Variants in NPHP4 observed in about 807,000 individuals in gnomAD.
NPHP4 encodes the protein nephrocystin 4, also known as nephrocystin-4.
NPHP4 carries 151 observed loss-of-function variants against 155.8 expected under a neutral mutation model. That is an observed-to-expected ratio of 0.97 (90% CI 0.85 to 1.11). NPHP4 has a LOEUF of 1.11. Among genes scored for constraint, NPHP4 ranks in the 50% least tolerant of loss-of-function variants. NPHP4 has a pLI of 0.00. For missense variants in NPHP4, 1,956 were observed against 1,925.7 expected, an observed-to-expected ratio of 1.02 and a Z score of -0.29; for synonymous variants, 845 against 816.8, an observed-to-expected ratio of 1.03 and a Z score of -0.59.
chr1:5,966,688 C>G (rs563968180), intron 5 of NPHP4, among the ~76,000 whole-genome samples: 1 of 152,170 alleles, frequency 6.6e-6, no homozygotes, highest in African/African-American at 2.4e-5. Flanking sequence ...CCACACTCCC[C>G]CAACTGCTAG....
chr1:5,977,494 T>C (rs1653821926), intron 3 of NPHP4, among the ~76,000 whole-genome samples: 1 of 152,074 alleles, frequency 6.6e-6, no homozygotes, highest in African/African-American at 2.4e-5. Flanking sequence ...ATCGGTCTCC[T>C]CCTGAGAATT....
chr1:5,967,408 T>G, intron 4 of NPHP4, 45 bp from the exon 5 acceptor site: 8 of 1,458,030 alleles, frequency 5.5e-6, no homozygotes, highest in East Asian at 2.4e-5. Flanking sequence ...ACGTGCGCAC[T>G]TCTCAGAAGG....
intron 3 of NPHP4, among the ~76,000 whole-genome samples, chr1:5,972,736 A>G (rs529663066): frequency 7.2e-5 from 11 of 152,046 alleles, no homozygotes; most frequent in African/African-American, 2.7e-4. Flanking sequence ...AATTAATTTA[A>G]TTTCTTTCTT....
chr1:5,961,704 GC>G (rs1557841969), intron 6 of NPHP4, 89 bp downstream of exon 6: 3 of 1,311,426 alleles, frequency 2.3e-6, no homozygotes, highest in Non-Finnish European at 3.2e-6. Flanking sequence ...GGCCCACGCT[GC>G]CCCCAGAAGA....
intron 1 of NPHP4, among the ~76,000 whole-genome samples, chr1:5,987,022 A>G (rs1655588429): frequency 6.6e-6 from 1 of 152,070 alleles, no homozygotes; most frequent in Non-Finnish European, 1.5e-5. Flanking sequence ...ACATAAAAAC[A>G]AGCAGAGAGG....
chr1:5,972,469 A>C (rs1446232537), intron 3 of NPHP4, among the ~76,000 whole-genome samples: 1 of 152,214 alleles, frequency 6.6e-6, no homozygotes, highest in East Asian at 1.9e-4. Context: ...TCTCATTTGG[A>C]GTAAAAATGT....
intron 16 of NPHP4, among the ~76,000 whole-genome samples, chr1:5,894,036 G>A (rs954243901): frequency 5.3e-5 from 8 of 152,122 alleles, no homozygotes; most frequent in African/African-American, 1.9e-4. Flanking sequence ...ACAAACTAAT[G>A]ATTAATGATA....
intron 2 of NPHP4, among the ~76,000 whole-genome samples, chr1:5,984,463 G>A (rs1037755207): frequency 2.0e-5 from 3 of 152,104 alleles, no homozygotes; most frequent in African/African-American, 7.2e-5. Context: ...GAGCTCAGGG[G>A]GAGGAGGTTT....
At position 5,914,286 on chromosome 1, in the gene NPHP4, A is replaced by AAAAAAAAAAAG. The variant is rs70977991; in HGVS notation, c.1442-5074_1442-5073insCTTTTTTTTTT. ...AAAAAAAAAAAAAAAAAAAAAAAAA[A>AAAAAAAAAAAG]GGCCTGGTGTGGTGGCATGCACCTG... On this transcript the variant is annotated intron_variant, in intron 11 of 29. Coordinates refer to ENST00000378156, the MANE Select transcript of NPHP4 (RefSeq NM_015102.5). 4.9e-3 allele frequency among the ~76,000 whole-genome samples: 685 copies of AAAAAAAAAAAG among 139,790 alleles called. 40 individuals carry two copies. Among genetic ancestry groups the AAAAAAAAAAAG allele is most frequent in the African/African-American group, 0.019 (650 of 33,820 alleles). 91.7% of individuals were successfully genotyped at this position (139,790 alleles called of 152,430 possible).
chr1:5,879,886 C>G (rs148813780), intron 19 of NPHP4, among the ~76,000 whole-genome samples: 1 of 151,600 alleles, frequency 6.6e-6, no homozygotes, highest in East Asian at 1.9e-4. Context: ...CACACAGACA[C>G]GCACACGTGC....
intron 10 of NPHP4, among the ~76,000 whole-genome samples, chr1:5,930,236 C>T (rs12061828): frequency 0.021 from 3,212 of 152,226 alleles, 93 homozygotes; most frequent in African/African-American, 0.07. Flanking sequence ...TATTTTCAAA[C>T]AGGTTCTTGT....
intron 23 of NPHP4, among the ~76,000 whole-genome samples, chr1:5,870,703 C>T (rs1641907894): frequency 6.6e-6 from 1 of 152,240 alleles, no homozygotes; most frequent in Admixed American, 6.5e-5. Flanking sequence ...CAGGACAAAG[C>T]AACACGGTGT....
In NPHP4 at chr1:5,969,077, A is replaced by G; in HGVS notation, c.452+10T>C. ...GGAAAACCCCAGGGTTGTAGAAACA[A>G]GGCAGGTACCTTTTGTCCTGGGAAG... On this transcript the variant is annotated intron_variant, in intron 4 of 29. Transcript: ENST00000378156. 6.5e-7 allele frequency: 1 copy of G among 1,537,738 alleles called. No homozygotes were observed. The highest frequency in any genetic ancestry group is 1.2e-5 in the South Asian group (1 of 83,540).
chr1:5,912,633 T>C (rs1025854480), intron 11 of NPHP4, among the ~76,000 whole-genome samples: 11 of 152,052 alleles, frequency 7.2e-5, no homozygotes, highest in African/African-American at 1.2e-4. Flanking sequence ...ACCACACCCA[T>C]GAGACATGCT....
chr1:5,969,593 C>T (rs889283158), intron 3 of NPHP4, among the ~76,000 whole-genome samples: 3 of 152,198 alleles, frequency 2.0e-5, no homozygotes, highest in African/African-American at 4.8e-5. Flanking sequence ...CCCACTAGAG[C>T]AGAATGGGGC....
chr1:5,955,623 A>G (rs1649039161), intron 6 of NPHP4, among the ~76,000 whole-genome samples: 1 of 152,286 alleles, frequency 6.6e-6, no homozygotes, highest in African/African-American at 2.4e-5. Flanking sequence ...CATCAAGGTT[A>G]AGTGGAATAA....
chr1:5,893,825 G>A (rs570718460), intron 16 of NPHP4, among the ~76,000 whole-genome samples: 2 of 152,324 alleles, frequency 1.3e-5, no homozygotes, highest in South Asian at 4.1e-4. Context: ...GGCAACGGGC[G>A]TCTTCCCAGA....
At chr1:5,879,457 CTTCT>C (rs150143271) in intron 19 of NPHP4, 7,048 of 486,334 alleles carry the variant, frequency 0.014, 409 homozygotes, top group African/African-American at 0.13. Context: ...CCATAATTGG[CTTCT>C]TTCTTCTGTT....
At chr1:5,877,398 G>A in intron 19 of NPHP4, 100 bp from the exon 20 acceptor site, 1 of 878,104 alleles carries the variant, frequency 1.1e-6, no homozygotes, top group East Asian at 2.9e-5. Flanking sequence ...TATAGGGAGG[G>A]AGCTCAAGAG....
Sources: gnomAD v4.1 joint callset for allele counts (sites outside exome capture counted in the v4.1 genomes callset) on GRCh38, gnomAD v4.1.1 for gene constraint, MANE v1.5 for transcripts, NCBI Gene and HGNC (gene_info 2026-07-23, HGNC 2026-07-21) for gene names.